Variants in DHRS7 observed in about 807,000 individuals in gnomAD.
The protein encoded by DHRS7 is dehydrogenase/reductase 7, also known as dehydrogenase/reductase SDR family member 7.
In DHRS7, 34 loss-of-function variants were observed where a neutral mutation model predicts 38.9. That is an observed-to-expected ratio of 0.87 (90% confidence interval 0.66 to 1.16). The LOEUF is 1.16. Among genes scored for constraint, DHRS7 ranks in the 50% most tolerant of loss-of-function variants. The pLI, the probability that DHRS7 is intolerant of heterozygous loss-of-function variation, is 0.00. For synonymous variants in DHRS7, 158 were observed against 153.1 expected (o/e 1.03, Z -0.24); for missense variants, 421 against 407.0 (o/e 1.03, Z -0.30).
upstream of DHRS7, chr14:60,168,812 G>A (rs1896897790): frequency 1.3e-6 from 2 of 1,509,280 alleles, no homozygotes; most frequent in Non-Finnish European, 8.9e-7. Context: ...CAAACATGCT[G>A]ACACTCCTCA....
At chr14:60,150,243 T>C in intron 4 of DHRS7, 56 bp from the exon 5 acceptor site, 6 of 1,407,696 alleles carry the variant, frequency 4.3e-6, no homozygotes, top group Non-Finnish European at 5.7e-6. Context: ...GACACATATC[T>C]CATGATTTAT....
Position 60,156,026 on chromosome 14 carries a change from A to G in DHRS7, c.260T>C (p.Leu87Pro). ...TAGGCATCTTCTTTTCACCCTTTCC[A>G]GCTCATGCACTCTTCTGGCTGACAG... is the stretch of plus-strand genomic sequence containing the variant. ...LVLSARRVHE[L>P]ERVKRRCLEN... Residue 87 changes from leucine (L) to proline (P), a missense_variant, in exon 2 of 7, where the codon CTG (leucine) becomes CCG (proline). Leu to Pro is a moderately conservative substitution (Grantham distance 98). Coordinates refer to ENST00000557185, the MANE Select transcript of DHRS7 (RefSeq NM_016029.4). 1.3e-6 allele frequency: 2 copies of G among 1,584,730 alleles called. No individual in the cohort carries two copies. Among genetic ancestry groups the G allele is most frequent in the South Asian group, 2.3e-5 (2 of 86,798 alleles).
chr14:60,156,546 C>A (rs1896664567), intron 1 of DHRS7, among the ~76,000 whole-genome samples: 1 of 152,156 alleles, frequency 6.6e-6, no homozygotes, highest in South Asian at 2.1e-4. Flanking sequence ...CTCACTTTTC[C>A]TTAGCCATTA....
intron 6 of DHRS7, chr14:60,147,323 A>C (rs1260086354): frequency 1.3e-5 from 2 of 152,232 alleles, no homozygotes; most frequent in Non-Finnish European, 2.9e-5. Context: ...AATATACCGC[A>C]TGGTGACTAC....
At chr14:60,151,610 AGAG>A (rs1272701227) in intron 4 of DHRS7, among the ~76,000 whole-genome samples, 4 of 152,162 alleles carry the variant, frequency 2.6e-5, no homozygotes, top group African/African-American at 9.7e-5. Flanking sequence ...CTGTAGCAAA[AGAG>A]GAGAGAGGAC....
rs1053085772 is a variant in DHRS7, at chr14:60,144,679, A to C, written c.*287T>G. On this transcript the variant is annotated 3_prime_UTR_variant, in exon 7 of 7. Transcript: ENST00000557185. ...CTGTGGTATTTTGTTATAGCAGCAC[A>C]AATGGACTAAGACAAATCTGTTAAC... is the stretch of plus-strand genomic sequence containing the variant. 1.1e-5 allele frequency: 3 copies of C among 283,502 alleles called. No individual in the cohort carries two copies. The highest frequency in any genetic ancestry group is 6.8e-5 in the African/African-American group (3 of 43,916). 17.6% of individuals were successfully genotyped at this position (283,502 alleles called of 1,614,324 possible). A position where few individuals can be genotyped will look rare whatever the true frequency, so the allele number is the denominator to read the frequency against.
intron 1 of DHRS7, among the ~76,000 whole-genome samples, chr14:60,158,428 G>C (rs935106411): frequency 6.6e-6 from 1 of 151,996 alleles, no homozygotes; most frequent in African/African-American, 2.4e-5. Flanking sequence ...ACTACTTGTT[G>C]TTCCCAAGTT....
chr14:60,150,529 A>C (rs1188066069), intron 4 of DHRS7, among the ~76,000 whole-genome samples: 1 of 150,570 alleles, frequency 6.6e-6, no homozygotes, highest in Non-Finnish European at 1.5e-5. Flanking sequence ...AAGTGTTCTC[A>C]TTGTTCAATT....
chr14:60,147,085 T>G (rs1428186167), intron 6 of DHRS7: 2 of 151,952 alleles, frequency 1.3e-5, no homozygotes, highest in South Asian at 2.1e-4. Context: ...CTACAAAACC[T>G]AGCCAGGCAT....
upstream of DHRS7, chr14:60,168,801 G>A: frequency 4.6e-6 from 7 of 1,528,578 alleles, no homozygotes; most frequent in Middle Eastern, 1.7e-4. Context: ...CCATTGGCTT[G>A]CAAACATGCT....
intron 1 of DHRS7, among the ~76,000 whole-genome samples, chr14:60,156,743 C>T (rs1227208195): frequency 6.6e-6 from 1 of 152,172 alleles, no homozygotes. Flanking sequence ...TGCCTATCAG[C>T]TCAAGGTCAT....
In DHRS7 at chr14:60,153,158, A is replaced by G. The variant is rs1423911892; in HGVS notation, c.414T>C (p.Asn138=). 9.9e-6 allele frequency: 16 copies of G among 1,613,968 alleles called. No homozygotes were observed. Among genetic ancestry groups the G allele is most frequent in the East Asian group, 4.5e-5 (2 of 44,888 alleles). ...ACAGAGAACGCTGGGACATTCCACC[A>G]TTGTTGACCAGAATGTCGATCTAGT... is the stretch of plus-strand genomic sequence containing the variant. ...EFGRIDILVN[N]GGMSQRSLCM... The change falls in exon 4 of 7, where the codon AAT becomes AAC. Residue 138 remains asparagine (N), a synonymous_variant. Transcript: ENST00000557185. The surrounding 1 kb of genome is among the most constrained non-coding windows in gnomAD (Gnocchi z 4.4).
At chr14:60,164,178 AT>A (rs61331316) in intron 1 of DHRS7, among the ~76,000 whole-genome samples, 4,296 of 118,928 alleles carry the variant, frequency 0.036, 111 homozygotes, top group African/African-American at 0.12. Flanking sequence ...GTATTACCAG[AT>A]TTTTTTTTTT....
At chr14:60,158,978 C>G (rs1245670517) in intron 1 of DHRS7, 6 of 347,026 alleles carry the variant, frequency 1.7e-5, no homozygotes, top group African/African-American at 1.3e-4. Context: ...TCGGTGGGTC[C>G]AAGTGTCCAG....
rs1336543955 is a variant in DHRS7 at position 60,161,754 on chromosome 14, G to C, written c.133+3423C>G. On this transcript the variant is annotated intron_variant, in intron 1 of 6. Transcript: ENST00000557185. The surrounding 1 kb of genome is among the most constrained non-coding windows in gnomAD (Gnocchi z 4.2). Reference sequence around the variant, plus strand: ...AAATCACTTCCCTTGTCCCCCAGAAGGTAGGGTCTATGAGGGCCTGGACTG... The same window carrying C: ...AAATCACTTCCCTTGTCCCCCAGAACGTAGGGTCTATGAGGGCCTGGACTG... Among the ~76,000 whole-genome samples the C allele has an allele frequency of 6.6e-6, 1 of 152,200 alleles. No individual in the cohort carries two copies. Among genetic ancestry groups the C allele is most frequent in the Non-Finnish European group, 1.5e-5 (1 of 68,038 alleles).
intron 1 of DHRS7, among the ~76,000 whole-genome samples, chr14:60,158,390 A>T (rs911370543): frequency 6.6e-6 from 1 of 152,104 alleles, no homozygotes; most frequent in Non-Finnish European, 1.5e-5. Context: ...CATAACATCT[A>T]TTCAGATAAT....
At position 60,145,009 on chromosome 14, in the gene DHRS7, G is replaced by C. The variant is rs775577817; in HGVS notation, c.977C>G (p.Ala326Gly). The C allele has an allele frequency of 6.3e-7, 1 of 1,589,436 alleles. No individual in the cohort carries two copies. ...RIENFKSGVDADSSYFKIFKT... is the reference protein window; with the variant it reads ...RIENFKSGVDGDSSYFKIFKT... ...AAAGATTTTAAAATAAGAAGAGTCTGCATCCTGTAAAAGAGGGACAGAAAC... is the reference window on the plus strand; with the variant it reads ...AAAGATTTTAAAATAAGAAGAGTCTCCATCCTGTAAAAGAGGGACAGAAAC... Residue 326 changes from alanine (A) to glycine (G), a missense_variant, in exon 7 of 7, where the codon GCA becomes GGA. By Grantham distance (60) the Ala-to-Gly change is moderately conservative. Transcript: ENST00000557185. The surrounding 1 kb of genome is among the most constrained non-coding windows in gnomAD (Gnocchi z 4.0).
At position 60,149,443 on chromosome 14, in the gene DHRS7, T is replaced by C; in HGVS notation, c.882A>G (p.Val294=). ...VWISEQPFLL[V]TYLWQYMPTW... Reference sequence around the variant, plus strand: ...TTGGCATGTATTGCCACAAATATGTTACTAACAAGAAAGGTTGTTCTGAGA... The same window carrying C: ...TTGGCATGTATTGCCACAAATATGTCACTAACAAGAAAGGTTGTTCTGAGA... Residue 294 remains valine (V), a synonymous_variant, in exon 6 of 7, where the codon GTA becomes GTG. Transcript: ENST00000557185. 6.2e-7 allele frequency: 1 copy of C among 1,614,178 alleles called. No homozygotes were observed. The highest frequency in any genetic ancestry group is 8.5e-7 in the Non-Finnish European group (1 of 1,180,024).
chr14:60,144,781 T>C lies in DHRS7; in HGVS notation c.*185A>G, dbSNP rs1472607023. ...GAATATAGTATGAGTTAATACCTTT[T>C]TTGCAAGATTCATGGCAATCTTTTA... is the stretch of plus-strand genomic sequence containing the variant. On this transcript the variant is annotated 3_prime_UTR_variant, in exon 7 of 7. Transcript: ENST00000557185. The C allele has an allele frequency of 3.3e-5, 20 of 597,226 alleles. No homozygotes were observed. Among genetic ancestry groups the C allele is most frequent in the African/African-American group, 7.6e-5 (4 of 52,332 alleles). 37.0% of individuals were successfully genotyped at this position (597,226 alleles called of 1,614,324 possible). A position where few individuals can be genotyped will look rare whatever the true frequency, so the allele number is the denominator to read the frequency against.
Sources: gnomAD v4.1 joint callset for allele counts (sites outside exome capture counted in the v4.1 genomes callset) on GRCh38, gnomAD v4.1.1 for gene constraint, Gnocchi (gnomAD v3.1) non-coding constraint, MANE v1.5 for transcripts, NCBI Gene and HGNC (gene_info 2026-07-23, HGNC 2026-07-21) for gene names.